The following GPBP1L1 variants were observed in gnomAD, a reference collection of about 807,000 sequenced individuals.
GPBP1L1 encodes the protein GC-rich promoter binding protein 1 like 1.
A neutral mutation model predicts 52.5 loss-of-function variants in GPBP1L1; 23 were observed. That is an observed-to-expected ratio of 0.44 (90% CI 0.32 to 0.62). GPBP1L1 has a LOEUF of 0.62. Ranked by LOEUF, GPBP1L1 falls within the 20% of genes least tolerant of loss-of-function variation. The pLI is 0.06. For missense variants in GPBP1L1, 596 were observed against 579.3 expected (o/e 1.03, Z -0.30); for synonymous variants, 243 against 203.1 (o/e 1.20, Z -1.67).
At chr1:45,676,410 G>C (rs1407028756) in intron 2 of GPBP1L1, among the ~76,000 whole-genome samples, 1 of 151,878 alleles carries the variant, frequency 6.6e-6, no homozygotes, top group Admixed American at 6.6e-5. Context: ...AGACAAACCT[G>C]GGAAACAGGG....
intron 2 of GPBP1L1, among the ~76,000 whole-genome samples, chr1:45,666,968 TTCCACTTATATGAAACA>T (rs1645017778): frequency 6.6e-6 from 1 of 152,224 alleles, no homozygotes; most frequent in South Asian, 2.1e-4. Flanking sequence ...AGTTGTATTA[TTCCACTTATATGAAACA>T]TCCAGTCTCA....
chr1:45,657,067 T>C (rs1388458503), intron 4 of GPBP1L1, among the ~76,000 whole-genome samples: 2 of 152,188 alleles, frequency 1.3e-5, no homozygotes, highest in African/African-American at 2.4e-5. Context: ...TTGCTTATTA[T>C]AGTTTCGAAA....
rs769871800 is a variant in GPBP1L1, at chr1:45,633,577, G to A, written c.956C>T (p.Thr319Ile). ...TTTCAGGAACTCACTCTTCCTGTCG[G>A]TGGTTCGGCGGGTCAACTTGGTCAG... ...SRLTKLTRRT[T>I]DRKSEFLKTL... is the part of the protein sequence containing the mutation. Residue 319 changes from threonine (T) to isoleucine (I), a missense_variant, in exon 10 of 13, where the codon ACC becomes ATC. Coordinates refer to ENST00000355105, the MANE Select transcript of GPBP1L1 (RefSeq NM_021639.5). The A allele has an allele frequency of 5.0e-6, 8 of 1,613,916 alleles. No individual in the cohort carries two copies. The highest frequency in any genetic ancestry group is 2.2e-5 in the East Asian group (1 of 44,886).
chr1:45,646,800 G>GC lies in GPBP1L1; in HGVS notation c.478-4302dup, dbSNP rs1441284177. On this transcript the variant is annotated intron_variant, in intron 6 of 12. Coordinates refer to ENST00000355105, the MANE Select transcript of GPBP1L1 (RefSeq NM_021639.5). ...TCTCGATCTCCTGACCTCGTGATCT[G>GC]CCCCCCTCGGCCTCCCAAACTGCTG... 4.6e-5 allele frequency among the ~76,000 whole-genome samples: 7 copies of GC among 152,008 alleles called. No homozygotes were observed. In the South Asian group the frequency reaches 6.2e-4, roughly 14 times the overall value.
intron 6 of GPBP1L1, among the ~76,000 whole-genome samples, chr1:45,646,905 G>A (rs1345155861): frequency 6.6e-6 from 1 of 151,958 alleles, no homozygotes; most frequent in East Asian, 1.9e-4. Context: ...CTTTCTGGGG[G>A]CGGGGTGGGA....
chr1:45,664,047 C>A (rs1439880738), intron 2 of GPBP1L1, among the ~76,000 whole-genome samples: 2 of 151,926 alleles, frequency 1.3e-5, no homozygotes, highest in African/African-American at 4.8e-5. Context: ...AAAAAAATTT[C>A]TTGGGCCAGG....
At chr1:45,630,722 G>A in intron 10 of GPBP1L1, 116 bp from the exon 11 acceptor site, 1 of 1,174,884 alleles carries the variant, frequency 8.5e-7, no homozygotes, top group Non-Finnish European at 1.2e-6. Flanking sequence ...GACAGCCTCA[G>A]CCCACAGATT....
chr1:45,639,734 A>G (rs545683705), intron 8 of GPBP1L1, among the ~76,000 whole-genome samples: 190 of 150,980 alleles, frequency 1.3e-3, no homozygotes, highest in Non-Finnish European at 2.1e-3. Flanking sequence ...AAAAACACCG[A>G]GCCGGGTGTG....
At chr1:45,651,847 G>A (rs1451408021) in intron 6 of GPBP1L1, 1 of 241,248 alleles carries the variant, frequency 4.1e-6, no homozygotes, top group African/African-American at 2.3e-5. Flanking sequence ...GGGAGGAGAA[G>A]AAATCTTATT....
rs958441036 is a variant in GPBP1L1 at position 45,655,069 on chromosome 1, A to T, written c.190+121T>A. ...GTAGTTGCGTAATGACTACTAGAGA[A>T]TCTAAATGAAAACTATGTTCAGAAA... is the stretch of plus-strand genomic sequence containing the variant. On this transcript the variant is annotated intron_variant, in intron 5 of 12. Coordinates refer to ENST00000355105, the MANE Select transcript of GPBP1L1 (RefSeq NM_021639.5). The T allele has an allele frequency of 7.0e-6, 9 of 1,291,730 alleles. No individual in the cohort carries two copies. In the African/African-American group the frequency reaches 1.2e-4, roughly 17 times the overall value. The allele number at this position is 1,291,730 out of a possible 1,614,324, so 80.0% of individuals were successfully genotyped here.
chr1:45,637,485 A>G (rs140782601), intron 8 of GPBP1L1, among the ~76,000 whole-genome samples: 30 of 104,452 alleles, frequency 2.9e-4, no homozygotes, highest in African/African-American at 9.6e-4. Flanking sequence ...CATCTCTGCC[A>G]TTCTCTGCCA....
chr1:45,663,391 C>T (rs1644970416), intron 2 of GPBP1L1, among the ~76,000 whole-genome samples: 1 of 152,198 alleles, frequency 6.6e-6, no homozygotes, highest in African/African-American at 2.4e-5. Flanking sequence ...AACTGACACA[C>T]ACCACCACCT....
upstream of GPBP1L1, chr1:45,687,075 G>A (rs987748382): frequency 6.6e-5 from 10 of 152,268 alleles, no homozygotes; most frequent in African/African-American, 2.4e-4. Context: ...CTTCTCGTGT[G>A]CGCGTCGTTG....
intron 2 of GPBP1L1, among the ~76,000 whole-genome samples, chr1:45,684,539 G>A (rs1026583272): frequency 1.7e-4 from 26 of 152,086 alleles, no homozygotes; most frequent in East Asian, 1.9e-4. Context: ...AGCCACTGAT[G>A]AGCAATCTAG....
chr1:45,642,184 C>T (rs116713123), intron 7 of GPBP1L1, among the ~76,000 whole-genome samples: 32 of 152,222 alleles, frequency 2.1e-4, no homozygotes, highest in Non-Finnish European at 3.8e-4. Context: ...TCCAAATTCA[C>T]GGTTCTATAA....
chr1:45,639,574 TAA>T (rs60435928), intron 8 of GPBP1L1, among the ~76,000 whole-genome samples: 3,791 of 130,076 alleles, frequency 0.029, 161 homozygotes, highest in African/African-American at 0.099. Flanking sequence ...AAAAAATAAT[TAA>T]AAAAAAAAAA....
In GPBP1L1 at chr1:45,632,267, G is replaced by C. The variant is rs147595988; in HGVS notation, c.1044+1222C>G. Among the ~76,000 whole-genome samples the C allele has an allele frequency of 3.8e-4, 58 of 152,220 alleles. 1 individual carries two copies. The East Asian group carries it at 0.011, about 28-fold the overall frequency. ...GAAGCTAAATAACGTGTGTCATGTGGTGGCACATGCCTGTAATCCCAGCTA... is the reference window on the plus strand; with the variant it reads ...GAAGCTAAATAACGTGTGTCATGTGCTGGCACATGCCTGTAATCCCAGCTA... On this transcript the variant is annotated intron_variant, in intron 10 of 12. Coordinates refer to ENST00000355105, the MANE Select transcript of GPBP1L1 (RefSeq NM_021639.5).
At chr1:45,658,766 T>C (rs921293872) in intron 4 of GPBP1L1, 1 of 442,930 alleles carries the variant, frequency 2.3e-6, no homozygotes, top group East Asian at 3.8e-5. Context: ...TCCATCTCTA[T>C]AAAACAACAA....
Position 45,655,115 on chromosome 1 carries a change from A to G in GPBP1L1, c.190+75T>C. On this transcript the variant is annotated intron_variant, in intron 5 of 12. Transcript: ENST00000355105. ...AGAAAAGATCCTATTTCAAGATTACAGACATGTACCCACAGCCTGGGCTTG... is the reference window on the plus strand; with the variant it reads ...AGAAAAGATCCTATTTCAAGATTACGGACATGTACCCACAGCCTGGGCTTG... 3.2e-6 allele frequency: 5 copies of G among 1,553,488 alleles called. 1 individual carries two copies. The South Asian group carries it at 4.5e-5, about 14-fold the overall frequency.
Sources: gnomAD v4.1 joint callset for allele counts (sites outside exome capture counted in the v4.1 genomes callset) on GRCh38, gnomAD v4.1.1 for gene constraint, MANE v1.5 for transcripts, NCBI Gene and HGNC (gene_info 2026-07-23, HGNC 2026-07-21) for gene names.